Variants in ADGRL3 observed in about 807,000 individuals in gnomAD.
ADGRL3 encodes calcium-independent alpha-latrotoxin receptor 3.
Under a neutral mutation model 153.5 loss-of-function variants are expected in ADGRL3, and 62 were observed. The observed-to-expected ratio is 0.40, with a 90% CI of 0.33 to 0.50. The LOEUF (loss-of-function observed/expected upper bound fraction) is 0.50, where lower values mean the gene tolerates loss of function less well. Ranked by LOEUF, ADGRL3 falls within the 20% of genes least tolerant of loss-of-function variation. The pLI, the probability that ADGRL3 is intolerant of heterozygous loss-of-function variation, is 0.47. For missense variants in ADGRL3, 1,641 were observed against 1,859.4 expected (o/e 0.88, Z 2.16); for synonymous variants, 710 against 672.5 (o/e 1.06, Z -0.86).
chr4:61,478,945 T>A (rs1466970885), intron 2 of ADGRL3, among the ~76,000 whole-genome samples: 1 of 151,920 alleles, frequency 6.6e-6, no homozygotes, highest in Non-Finnish European at 1.5e-5. Context: ...CTCTTAAGAG[T>A]TTCTTTCTGT....
chr4:61,213,343 T>TTG (rs1741024487), intron 1 of ADGRL3, among the ~76,000 whole-genome samples: 1 of 152,180 alleles, frequency 6.6e-6, no homozygotes, highest in Non-Finnish European at 1.5e-5. Flanking sequence ...TTCCTCCACA[T>TTG]ACATCATTTG....
At chr4:61,629,805 G>C (rs56157355) in intron 5 of ADGRL3, among the ~76,000 whole-genome samples, 1 of 115,780 alleles carries the variant, frequency 8.6e-6, no homozygotes, top group Non-Finnish European at 1.7e-5. Context: ...TTATAATGCA[G>C]ACTGCCAGAA....
At chr4:61,542,659 C>A (rs1299443818) in intron 4 of ADGRL3, among the ~76,000 whole-genome samples, 1 of 152,080 alleles carries the variant, frequency 6.6e-6, no homozygotes, top group Non-Finnish European at 1.5e-5. Context: ...GCTTATGCAT[C>A]ATAGTCCATT....
chr4:61,915,158 A>T (rs559839601), intron 13 of ADGRL3, among the ~76,000 whole-genome samples: 253 of 151,458 alleles, frequency 1.7e-3, no homozygotes, highest in Middle Eastern at 3.5e-3. Context: ...TTTATAAAAT[A>T]ATGAATCTTT....
At chr4:62,044,602 T>A in intron 25 of ADGRL3, 53 bp downstream of exon 25, 2 of 1,207,168 alleles carry the variant, frequency 1.7e-6, no homozygotes, top group Non-Finnish European at 2.4e-6. Context: ...CTTTAAGAAG[T>A]CCTTAAATTC....
intron 9 of ADGRL3, among the ~76,000 whole-genome samples, chr4:61,878,437 A>G (rs1039933947): frequency 9.9e-5 from 15 of 152,214 alleles, no homozygotes; most frequent in Admixed American, 9.2e-4. Flanking sequence ...CTATAGCTAT[A>G]AAAGTCATTG....
At chr4:61,873,033 G>A (rs1328348256) in intron 9 of ADGRL3, among the ~76,000 whole-genome samples, 1 of 152,180 alleles carries the variant, frequency 6.6e-6, no homozygotes, top group Non-Finnish European at 1.5e-5. Context: ...ATAGGAAGAG[G>A]AAGATAAAAC....
Position 61,979,037 on chromosome 4 carries a change from A to G in ADGRL3, c.2806-526A>G, listed in dbSNP as rs1041370083. On this transcript the variant is annotated intron_variant, in intron 17 of 26. Transcript: ENST00000683033. ...TCACTGGGGATCTTTATGAAAATAC[A>G]TACTTATATGACACAACCTTGGAAA... Among the ~76,000 whole-genome samples, 7 of 152,304 alleles carry G rather than the reference A, an allele frequency of 4.6e-5. No individual in the cohort carries two copies. The South Asian group carries it at 1.5e-3, about 32-fold the overall frequency.
intron 8 of ADGRL3, among the ~76,000 whole-genome samples, chr4:61,750,693 G>A (rs1340853533): frequency 6.6e-6 from 1 of 151,406 alleles, no homozygotes; most frequent in Non-Finnish European, 1.5e-5. Flanking sequence ...GGGAGGCTGA[G>A]GCAGGAGAAT....
At chr4:61,886,370 A>G (rs1038714490) in intron 9 of ADGRL3, among the ~76,000 whole-genome samples, 5 of 152,076 alleles carry the variant, frequency 3.3e-5, no homozygotes, top group Non-Finnish European at 7.4e-5. Flanking sequence ...GGCCCTTGGG[A>G]AGGTTTCTTC....
At chr4:61,348,280 C>A (rs1304152650) in intron 1 of ADGRL3, among the ~76,000 whole-genome samples, 3 of 151,792 alleles carry the variant, frequency 2.0e-5, no homozygotes, top group Non-Finnish European at 2.9e-5. Context: ...ATGTTTAAGG[C>A]ACATATATTG....
intron 1 of ADGRL3, among the ~76,000 whole-genome samples, chr4:61,208,571 T>G (rs1738384190): frequency 1.3e-5 from 2 of 152,172 alleles, no homozygotes; most frequent in South Asian, 4.1e-4. Context: ...TGTTAGTAAA[T>G]TTTAAAATTT....
intron 1 of ADGRL3, among the ~76,000 whole-genome samples, chr4:61,350,733 A>T (rs369465329): frequency 6.6e-6 from 1 of 152,300 alleles, no homozygotes; most frequent in East Asian, 1.9e-4. Flanking sequence ...ACTCTGGGGC[A>T]TGATGAGCTG....
At chr4:61,309,288 G>T (rs2094912942) in intron 1 of ADGRL3, among the ~76,000 whole-genome samples, 1 of 151,950 alleles carries the variant, frequency 6.6e-6, no homozygotes, top group Non-Finnish European at 1.5e-5. Flanking sequence ...CCCTAATTTG[G>T]TTCTCCCCCT....
In ADGRL3 at chr4:61,820,283, A is replaced by G. The variant is rs142486362; in HGVS notation, c.1480+6394A>G. 2.7e-3 allele frequency among the ~76,000 whole-genome samples: 415 copies of G among 152,316 alleles called. 4 individuals are homozygous for G. Among genetic ancestry groups the G allele is most frequent in the African/African-American group, 9.1e-3 (377 of 41,580 alleles). Reference sequence around the variant, plus strand: ...TTCTTTAAATCTAATGTGTTCGTACATAGCATTTGGCTGCATAATTTATGG... The same window carrying G: ...TTCTTTAAATCTAATGTGTTCGTACGTAGCATTTGGCTGCATAATTTATGG... On this transcript the variant is annotated intron_variant, in intron 9 of 26. Coordinates refer to ENST00000683033, the MANE Select transcript of ADGRL3 (RefSeq NM_001387552.1).
chr4:61,924,566 A>G (rs1332540204), intron 13 of ADGRL3, among the ~76,000 whole-genome samples: 3 of 152,124 alleles, frequency 2.0e-5, no homozygotes, highest in Non-Finnish European at 4.4e-5. Context: ...CTTGCAAACC[A>G]TTCTTCAGCA....
chr4:61,863,757 G>A (rs1454226852), intron 9 of ADGRL3, among the ~76,000 whole-genome samples: 1 of 152,164 alleles, frequency 6.6e-6, no homozygotes, highest in Non-Finnish European at 1.5e-5. Flanking sequence ...GGCAACAAAA[G>A]GCACAAAAAT....
intron 5 of ADGRL3, among the ~76,000 whole-genome samples, chr4:61,653,852 C>T (rs2094355022): frequency 1.3e-5 from 2 of 152,124 alleles, no homozygotes; most frequent in African/African-American, 2.4e-5. Context: ...GGTCACATAC[C>T]TGCGCAGATA....
intron 23 of ADGRL3, among the ~76,000 whole-genome samples, chr4:62,033,810 A>AT (rs575990116): frequency 1.5e-3 from 223 of 151,842 alleles, no homozygotes; most frequent in African/African-American, 5.2e-3. Context: ...TTTTATTTAA[A>AT]TTTTTTTACT....
Sources: gnomAD v4.1 joint callset for allele counts (sites outside exome capture counted in the v4.1 genomes callset) on GRCh38, gnomAD v4.1.1 for gene constraint, MANE v1.5 for transcripts, NCBI Gene and HGNC (gene_info 2026-07-23, HGNC 2026-07-21) for gene names.